The following RYR1 variants were observed in gnomAD, a reference collection of about 807,000 sequenced individuals.
The protein encoded by RYR1 is ryanodine receptor 1.
A neutral mutation model predicts 583.5 loss-of-function variants in RYR1; 342 were observed. The observed-to-expected ratio is 0.59, with a 90% CI of 0.54 to 0.64. The LOEUF (loss-of-function observed/expected upper bound fraction) is 0.64. RYR1 is among the 30% of genes least tolerant of loss of function. The pLI, the probability that RYR1 is intolerant of heterozygous loss-of-function variation, is 0.00. For synonymous variants in RYR1, 2,791 were observed against 2,822.5 expected, an observed-to-expected ratio of 0.99 and a Z score of 0.35; for missense variants, 6,032 against 6,917.2, an observed-to-expected ratio of 0.87 and a Z score of 4.54.
intron 102 of RYR1, among the ~76,000 whole-genome samples, chr19:38,585,369 GATATATATATATATATATGTTTATTT>G (rs940307621): frequency 2.1e-5 from 3 of 141,066 alleles, no homozygotes; most frequent in Non-Finnish European, 4.6e-5. Flanking sequence ...AAAGGCCTGA[GATATATATATATATATATGTTTATTT>G]ATATATATAT....
intron 87 of RYR1, among the ~76,000 whole-genome samples, chr19:38,545,394 G>C (rs976431199): frequency 6.6e-6 from 1 of 152,218 alleles, no homozygotes; most frequent in African/African-American, 2.4e-5. Context: ...CTTTGGAACT[G>C]TGGAAATACA....
chr19:38,502,751 TGG>T (rs1424520758), intron 48 of RYR1, 24 bp downstream of exon 48: 1 of 1,042,186 alleles, frequency 9.6e-7, no homozygotes, highest in African/African-American at 2.5e-5. Context: ...GGCTTCAGGG[TGG>T]GGCAGGGGCA....
intron 72 of RYR1, 84 bp from the exon 73 acceptor site, chr19:38,527,563 T>C: frequency 6.4e-7 from 1 of 1,563,606 alleles, no homozygotes; most frequent in East Asian, 2.3e-5. Context: ...ACCCATTGAG[T>C]CCTCCCAAAA....
At chr19:38,567,733 G>A in intron 92 of RYR1, 40 bp from the exon 93 acceptor site, 1 of 1,614,146 alleles carries the variant, frequency 6.2e-7, no homozygotes, top group Non-Finnish European at 8.5e-7. Context: ...TGCATTGCCT[G>A]CCCAGGCACC....
chr19:38,504,456 A>C (rs1440013898), intron 50 of RYR1, 96 bp downstream of exon 50: 17 of 1,463,022 alleles, frequency 1.2e-5, no homozygotes, highest in African/African-American at 2.8e-5. Flanking sequence ...TGGGGGGTTC[A>C]AGGAGGAGAA....
intron 19 of RYR1, among the ~76,000 whole-genome samples, chr19:38,460,113 G>T (rs1002004145): frequency 6.6e-6 from 1 of 152,122 alleles, no homozygotes; most frequent in African/African-American, 2.4e-5. Context: ...CCATGACCTT[G>T]CAGTCATCTG....
At chr19:38,507,124 A>G (rs1379568199) in intron 57 of RYR1, among the ~76,000 whole-genome samples, 172 bp downstream of exon 57, 1 of 148,334 alleles carries the variant, frequency 6.7e-6, no homozygotes, top group Non-Finnish European at 1.5e-5. Context: ...AGGCGGGGCC[A>G]GATGGGGAGG....
chr19:38,446,411 G>T, intron 7 of RYR1, 61 bp from the exon 8 acceptor site: 1 of 1,302,590 alleles, frequency 7.7e-7, no homozygotes, highest in Non-Finnish European at 1.1e-6. Context: ...ACTTCATCTT[G>T]GCTCCTGGTC....
Position 38,580,923 on chromosome 19 carries a change from G to A in RYR1, c.14646+419G>A, listed in dbSNP as rs528898029. Among the ~76,000 whole-genome samples the A allele has an allele frequency of 4.0e-3, 555 of 139,252 alleles. 3 individuals carry two copies. Among genetic ancestry groups the A allele is most frequent in the African/African-American group, 0.014 (529 of 37,236 alleles). The allele number at this position is 139,252 out of a possible 152,430, so 91.4% of individuals were successfully genotyped here. On this transcript the variant is annotated intron_variant, in intron 101 of 105. Transcript: ENST00000359596. ...CATTTTTTTTTTTTTTTTTTGAGAT[G>A]GAGTCTCACTGTGTTGCCAGGCTAG...
At chr19:38,552,315 T>C (rs1972698840) in intron 89 of RYR1, among the ~76,000 whole-genome samples, 1 of 151,424 alleles carries the variant, frequency 6.6e-6, no homozygotes, top group Admixed American at 6.6e-5. Flanking sequence ...AGTGCAGTGA[T>C]GTGATCTCGG....
intron 101 of RYR1, among the ~76,000 whole-genome samples, chr19:38,582,133 C>T (rs964085407): frequency 3.3e-5 from 5 of 152,100 alleles, no homozygotes; most frequent in African/African-American, 1.2e-4. Flanking sequence ...CACGGTGGCT[C>T]ATGCCTGTAA....
intron 92 of RYR1, 93 bp from the exon 93 acceptor site, chr19:38,567,674 CCAGGCA>C: frequency 1.9e-6 from 3 of 1,584,120 alleles, no homozygotes. Context: ...CAAACCTGGG[CCAGGCA>C]CAGGGCGGGC....
chr19:38,444,710 T>TC lies in RYR1; in HGVS notation c.631+39dup, dbSNP rs35018208. 897,793 of 1,472,310 alleles carry TC rather than the reference T, an allele frequency of 0.61. 280,875 individuals carry two copies. Among genetic ancestry groups the TC allele is most frequent in the Admixed American group, 0.67 (37,643 of 56,172 alleles). 91.2% of individuals were successfully genotyped at this position (1,472,310 alleles called of 1,614,324 possible). A position where few individuals can be genotyped will look rare whatever the true frequency, so the allele number is the denominator to read the frequency against. On this transcript the variant is annotated intron_variant, in intron 7 of 105. Coordinates refer to ENST00000359596, the MANE Select transcript of RYR1 (RefSeq NM_000540.3). This position sits in a 1 kb window ranked among gnomAD's most constrained non-coding sequence, Gnocchi z 5.1. ...CCCCAGACCTCCCCCTAAATGGAGA[T>TC]CCCCCCAAAACAGACCCTTAATGTT...
chr19:38,562,535 C>A (rs569894206), intron 90 of RYR1, among the ~76,000 whole-genome samples: 125 of 152,258 alleles, frequency 8.2e-4, no homozygotes, highest in Middle Eastern at 3.4e-3. Context: ...TCACCTCCTT[C>A]ATGAGTGGGC....
intron 1 of RYR1, among the ~76,000 whole-genome samples, chr19:38,436,721 T>C (rs1294111923): frequency 1.3e-5 from 2 of 152,160 alleles, no homozygotes; most frequent in Admixed American, 1.3e-4. Flanking sequence ...TATTTTTAAC[T>C]GAAACAAGTC....
At position 38,458,303 on chromosome 19, in the gene RYR1, C is replaced by A; in HGVS notation, c.2167+11C>A. 1 of 1,612,346 alleles carries A rather than the reference C, an allele frequency of 6.2e-7. No homozygotes were observed. The highest frequency in any genetic ancestry group is 8.5e-7 in the Non-Finnish European group (1 of 1,178,824). On this transcript the variant is annotated intron_variant, in intron 18 of 105. Coordinates refer to ENST00000359596, the MANE Select transcript of RYR1 (RefSeq NM_000540.3). ...TGCATCTCTGGACAGGTACCTGACC[C>A]CTTCCAGGGGACCCTCACCCCTGAC...
In RYR1 at chr19:38,528,663, A is replaced by G. The variant is rs759185063; in HGVS notation, c.11002A>G (p.Ser3668Gly). Reference protein sequence around the residue: ...KAAWILTEDHSFEDRMIDDLS... With the variant: ...KAAWILTEDHGFEDRMIDDLS... ...TGCATGGATCCTGACTGAAGACCAC[A>G]GTTTTGAGGACCGCATGATAGATGA... The change falls in exon 75 of 106, where the codon AGT becomes GGT. Residue 3668 changes from serine to glycine, a missense_variant. This residue lies in a region of RYR1 where 1,493 missense variants were observed against 1,715.5 expected (regional missense o/e 0.87). Transcript: ENST00000359596. 1.9e-6 allele frequency: 3 copies of G among 1,614,156 alleles called. No individual in the cohort carries two copies. Among genetic ancestry groups the G allele is most frequent in the South Asian group, 1.1e-5 (1 of 91,084 alleles).
chr19:38,542,684 A>T (rs1469373084), intron 84 of RYR1, among the ~76,000 whole-genome samples: 1 of 151,274 alleles, frequency 6.6e-6, no homozygotes, highest in Non-Finnish European at 1.5e-5. Context: ...ACACCTGGCT[A>T]ATTTTGTATT....
intron 30 of RYR1, among the ~76,000 whole-genome samples, chr19:38,478,217 A>G (rs1363087426): frequency 1.3e-5 from 2 of 148,436 alleles, no homozygotes; most frequent in Non-Finnish European, 3.0e-5. Context: ...TCAGACCCCC[A>G]CCCCCATCCT....
Sources: gnomAD v4.1 joint callset for allele counts (sites outside exome capture counted in the v4.1 genomes callset) on GRCh38, gnomAD v4.1.1 for gene constraint, gnomAD v4.1.1 regional missense constraint, Gnocchi (gnomAD v3.1) non-coding constraint, MANE v1.5 for transcripts, NCBI Gene and HGNC (gene_info 2026-07-23, HGNC 2026-07-21) for gene names.